STAG1: variants seen among roughly 807,000 people sequenced by gnomAD.
The protein encoded by STAG1 is cohesin subunit SA-1.
A neutral mutation model predicts 170.9 loss-of-function variants in STAG1; 26 were observed. That is an observed-to-expected ratio of 0.15 (90% CI 0.11 to 0.21). The LOEUF (loss-of-function observed/expected upper bound fraction) is 0.21. STAG1 is among the 10% of genes least tolerant of loss of function. STAG1 has a pLI of 1.00. For synonymous variants in STAG1, 514 were observed against 497.7 expected (o/e 1.03, Z -0.44); for missense variants, 964 against 1,509.5 (o/e 0.64, Z 5.99).
At chr3:136,350,435 C>G (rs560886635) in intron 28 of STAG1, among the ~76,000 whole-genome samples, 1 of 152,256 alleles carries the variant, frequency 6.6e-6, no homozygotes, top group East Asian at 1.9e-4. Flanking sequence ...CTCCTTTTAT[C>G]CCACCAAGTC....
chr3:136,679,728 TAA>T (rs61069088), intron 1 of STAG1, among the ~76,000 whole-genome samples: 3,927 of 117,604 alleles, frequency 0.033, 74 homozygotes, highest in Middle Eastern at 0.051. Flanking sequence ...GACTCCGTCT[TAA>T]AAAAAAAAAA....
intron 13 of STAG1, among the ~76,000 whole-genome samples, chr3:136,463,077 A>T (rs2089318764): frequency 6.6e-6 from 1 of 152,232 alleles, no homozygotes; most frequent in East Asian, 1.9e-4. Flanking sequence ...CATTCTTGGT[A>T]TCAGTGACAG....
chr3:136,697,864 G>A (rs1942944456), intron 1 of STAG1, among the ~76,000 whole-genome samples: 1 of 152,132 alleles, frequency 6.6e-6, no homozygotes, highest in South Asian at 2.1e-4. Context: ...ATAGGGATTA[G>A]AAGATACATT....
intron 1 of STAG1, among the ~76,000 whole-genome samples, chr3:136,665,251 G>A (rs1941717340): frequency 6.6e-6 from 1 of 152,176 alleles, no homozygotes; most frequent in African/African-American, 2.4e-5. Flanking sequence ...GTTATACAAT[G>A]AGATCTTTGA....
chr3:136,612,085 G>C (rs1262298396), intron 3 of STAG1, among the ~76,000 whole-genome samples: 1 of 151,940 alleles, frequency 6.6e-6, no homozygotes, highest in East Asian at 1.9e-4. Context: ...CTGACCTTGT[G>C]ATCTGCCCGC....
At chr3:136,542,424 C>T (rs1935955693) in intron 5 of STAG1, among the ~76,000 whole-genome samples, 1 of 151,984 alleles carries the variant, frequency 6.6e-6, no homozygotes, top group South Asian at 2.1e-4. Flanking sequence ...ATAAATAATT[C>T]CATAATTAGA....
At chr3:136,681,856 T>C (rs1413119227) in intron 1 of STAG1, among the ~76,000 whole-genome samples, 1 of 152,008 alleles carries the variant, frequency 6.6e-6, no homozygotes, top group Non-Finnish European at 1.5e-5. Context: ...AGCAAATTAG[T>C]AATAAAGGAA....
At chr3:136,659,469 C>T (rs568086726) in intron 1 of STAG1, among the ~76,000 whole-genome samples, 61 of 152,284 alleles carry the variant, frequency 4.0e-4, no homozygotes, top group Non-Finnish European at 1.2e-4. Flanking sequence ...CCGAGAGTTG[C>T]CATAGCAACA....
At chr3:136,434,072 TATCTAACG>T (rs1424805873) in intron 15 of STAG1, among the ~76,000 whole-genome samples, 1 of 152,190 alleles carries the variant, frequency 6.6e-6, no homozygotes, top group Non-Finnish European at 1.5e-5. Context: ...AATAAATTAC[TATCTAACG>T]TATGTACCAT....
intron 7 of STAG1, among the ~76,000 whole-genome samples, chr3:136,503,204 T>C (rs1175160369): frequency 6.6e-6 from 1 of 152,212 alleles, no homozygotes; most frequent in Non-Finnish European, 1.5e-5. Context: ...ATGTTTTAGA[T>C]GTTTACAATC....
chr3:136,353,239 T>C (rs1936504657), intron 28 of STAG1, among the ~76,000 whole-genome samples: 1 of 152,148 alleles, frequency 6.6e-6, no homozygotes. Flanking sequence ...TTAAATATAC[T>C]GACATATGTG....
chr3:136,471,881 A>G (rs1225315342), intron 12 of STAG1, among the ~76,000 whole-genome samples: 1 of 152,100 alleles, frequency 6.6e-6, no homozygotes. Flanking sequence ...TATATCACCT[A>G]TGCTGGAATG....
At chr3:136,602,024 T>C (rs1441577201) in intron 4 of STAG1, among the ~76,000 whole-genome samples, 2 of 152,126 alleles carry the variant, frequency 1.3e-5, no homozygotes, top group Non-Finnish European at 2.9e-5. Flanking sequence ...TAAGCTTTAA[T>C]ACAATATGCA....
chr3:136,500,333 T>A, intron 8 of STAG1, 37 bp from the exon 9 acceptor site: 1 of 1,390,166 alleles, frequency 7.2e-7, no homozygotes, highest in South Asian at 1.3e-5. Flanking sequence ...GAAATCCTGA[T>A]CATTTTATTT....
At chr3:136,737,702 A>G (rs1934419832) in intron 1 of STAG1, among the ~76,000 whole-genome samples, 1 of 152,250 alleles carries the variant, frequency 6.6e-6, no homozygotes, top group Non-Finnish European at 1.5e-5. Context: ...AGCAGTATAA[A>G]GGAGGCAGAT....
intron 5 of STAG1, among the ~76,000 whole-genome samples, chr3:136,551,329 C>A (rs369105046): frequency 6.7e-6 from 1 of 149,480 alleles, no homozygotes; most frequent in Non-Finnish European, 1.5e-5. Context: ...CTCACTGCAG[C>A]CTTGACCTCC....
At chr3:136,698,645 G>A (rs557877942) in intron 1 of STAG1, among the ~76,000 whole-genome samples, 1 of 152,194 alleles carries the variant, frequency 6.6e-6, no homozygotes, top group African/African-American at 2.4e-5. Context: ...GCTGGGTAAA[G>A]GTAAAGAAGC....
At chr3:136,570,973 C>T (rs901392538) in intron 4 of STAG1, among the ~76,000 whole-genome samples, 2 of 152,134 alleles carry the variant, frequency 1.3e-5, no homozygotes, top group East Asian at 3.9e-4. Flanking sequence ...TTCACCTCTG[C>T]TGAATAATGT....
chr3:136,630,834 TAAAA>T (rs1940304711), intron 2 of STAG1, 32 bp downstream of exon 2: 2 of 1,472,872 alleles, frequency 1.4e-6, no homozygotes, highest in Non-Finnish European at 1.8e-6. Flanking sequence ...AAATTTTCCT[TAAAA>T]AATATAAAAA....
Sources: allele counts gnomAD v4.1 joint callset (sites outside exome capture counted in the v4.1 genomes callset), GRCh38; gene constraint gnomAD v4.1.1; transcripts MANE v1.5; gene names NCBI Gene and HGNC (gene_info 2026-07-23, HGNC 2026-07-21).